The following COL14A1 variants were observed in gnomAD, a reference collection of about 807,000 sequenced individuals.
COL14A1 encodes collagen alpha-1(XIV) chain.
In COL14A1, 136 loss-of-function variants were observed where a neutral mutation model predicts 230.3. The ratio of observed to expected loss-of-function variants is 0.59; its 90% CI spans 0.51 to 0.68. COL14A1 has a LOEUF of 0.68. Ranked by LOEUF, COL14A1 falls within the 30% of genes least tolerant of loss-of-function variation. The pLI is 0.00. For synonymous variants in COL14A1, 792 were observed against 784.1 expected (o/e 1.01, Z -0.17); for missense variants, 1,976 against 2,215.8 (o/e 0.89, Z 2.17).
chr8:120,342,415 G>T lies in COL14A1; in HGVS notation c.4857G>T (p.Val1619=). 1 of 1,613,984 alleles carries T rather than the reference G, an allele frequency of 6.2e-7. No individual in the cohort carries two copies. Among genetic ancestry groups the T allele is most frequent in the African/African-American group, 1.3e-5 (1 of 75,026 alleles). The stretch of plus-strand genomic sequence containing the variant: ...AGTCTCAAGCCATGGTGAGATCAGT[G>T]GCGCGTCAAGTATGCGAACAGCTCA... The part of the protein sequence containing the change: ...DLQSQAMVRS[V]ARQVCEQLIQ... The change falls in exon 44 of 48, where the codon GTG becomes GTT. Residue 1619 remains valine (V), a synonymous_variant. Coordinates refer to ENST00000297848, the MANE Select transcript of COL14A1 (RefSeq NM_021110.4).
chr8:120,320,896 T>C (rs1246521966), intron 40 of COL14A1, among the ~76,000 whole-genome samples: 1 of 152,204 alleles, frequency 6.6e-6, no homozygotes, highest in Non-Finnish European at 1.5e-5. Context: ...TCTCTAGTCC[T>C]CAGAATAACT....
At chr8:120,268,972 C>T (rs187876211) in intron 25 of COL14A1, among the ~76,000 whole-genome samples, 76 of 151,802 alleles carry the variant, frequency 5.0e-4, no homozygotes, top group African/African-American at 1.7e-3. Context: ...TTTTATAAAT[C>T]GCAGAACTCA....
At chr8:120,181,558 A>G (rs1031717455) in intron 5 of COL14A1, among the ~76,000 whole-genome samples, 7 of 152,254 alleles carry the variant, frequency 4.6e-5, no homozygotes, top group African/African-American at 1.7e-4. Context: ...CAATACATAC[A>G]TAAACAGCTA....
chr8:120,135,257 C>A (rs576553255), intron 1 of COL14A1, among the ~76,000 whole-genome samples: 3 of 151,906 alleles, frequency 2.0e-5, no homozygotes, highest in Admixed American at 2.0e-4. Flanking sequence ...TGGCAATATG[C>A]ATTAATACTT....
intron 46 of COL14A1, 68 bp downstream of exon 46, chr8:120,367,316 G>A: frequency 2.4e-6 from 3 of 1,273,636 alleles, no homozygotes; most frequent in South Asian, 1.3e-5. Context: ...TTGCAAGTGA[G>A]GAAAATGGTC....
chr8:120,357,489 C>G (rs1237923020), intron 45 of COL14A1, among the ~76,000 whole-genome samples: 1 of 152,140 alleles, frequency 6.6e-6, no homozygotes, highest in Non-Finnish European at 1.5e-5. Context: ...CTTTTACTTT[C>G]ACCATATTCT....
At chr8:120,262,670 G>A (rs185540391) in intron 23 of COL14A1, among the ~76,000 whole-genome samples, 198 bp from the exon 24 acceptor site, 2 of 152,230 alleles carry the variant, frequency 1.3e-5, no homozygotes, top group East Asian at 3.9e-4. Flanking sequence ...TATAAAATGT[G>A]ATTTTCCATA....
intron 8 of COL14A1, 99 bp from the exon 9 acceptor site, chr8:120,203,610 C>A: frequency 1.1e-6 from 1 of 949,982 alleles, no homozygotes; most frequent in Non-Finnish European, 1.6e-6. Context: ...GCTTTGACTG[C>A]AGTGAAGATT....
intron 45 of COL14A1, among the ~76,000 whole-genome samples, chr8:120,364,959 C>T (rs1467457633): frequency 6.6e-6 from 1 of 151,220 alleles, no homozygotes; most frequent in South Asian, 2.1e-4. Flanking sequence ...ATAATTGTGT[C>T]TTTAGGCATT....
intron 14 of COL14A1, among the ~76,000 whole-genome samples, chr8:120,223,224 A>C (rs1056019148): frequency 6.6e-6 from 1 of 152,206 alleles, no homozygotes; most frequent in African/African-American, 2.4e-5. Flanking sequence ...TTCAGAGTGC[A>C]ATAGACAGCC....
rs1323607866 is a variant in COL14A1 at position 120,173,869 on chromosome 8, G to T, written c.436+5622G>T. On this transcript the variant is annotated intron_variant, in intron 5 of 47. Transcript: ENST00000297848. ...GAAATAGTTTTAGAACTGCTAATCTGTGCATACTGCAAAAAGACAAACAAA... is the reference window on the plus strand; with the variant it reads ...GAAATAGTTTTAGAACTGCTAATCTTTGCATACTGCAAAAAGACAAACAAA... Among the ~76,000 whole-genome samples, 4 of 149,998 alleles carry T rather than the reference G, an allele frequency of 2.7e-5. No homozygotes were observed. In the East Asian group the frequency reaches 7.7e-4, roughly 29 times the overall value.
intron 42 of COL14A1, among the ~76,000 whole-genome samples, chr8:120,340,504 A>G (rs999916519): frequency 6.6e-6 from 1 of 152,234 alleles, no homozygotes; most frequent in Non-Finnish European, 1.5e-5. Flanking sequence ...GGCAAATTCC[A>G]TTAATGAATT....
chr8:120,166,622 T>C (rs565681753), intron 4 of COL14A1, among the ~76,000 whole-genome samples: 1 of 152,272 alleles, frequency 6.6e-6, no homozygotes, highest in East Asian at 1.9e-4. Flanking sequence ...TGCAAGTAAT[T>C]TGGGGTGACA....
rs1812213463 is a variant in COL14A1 at position 120,372,990 on chromosome 8, C to T, written c.*1759C>T. ...GAAGGAAAACTTGTCTAAGGCTCAT[C>T]AAGATGGCCTGACCCAGAGTCACCT... On this transcript the variant is annotated 3_prime_UTR_variant, in exon 48 of 48. Transcript: ENST00000297848. Among the ~76,000 whole-genome samples, 1 of 152,156 alleles carries T rather than the reference C, an allele frequency of 6.6e-6. No homozygotes were observed. The highest frequency in any genetic ancestry group is 2.4e-5 in the African/African-American group (1 of 41,422).
intron 1 of COL14A1, among the ~76,000 whole-genome samples, chr8:120,139,346 T>C (rs907930070): frequency 6.6e-6 from 1 of 152,170 alleles, no homozygotes; most frequent in African/African-American, 2.4e-5. Context: ...ATTACTCGAG[T>C]CAGGTCGCCC....
At chr8:120,145,752 A>G (rs543219422) in intron 1 of COL14A1, among the ~76,000 whole-genome samples, 1 of 152,358 alleles carries the variant, frequency 6.6e-6, no homozygotes, top group East Asian at 1.9e-4. Context: ...TGTTATATGT[A>G]TAAACGAAAT....
intron 45 of COL14A1, among the ~76,000 whole-genome samples, chr8:120,357,169 C>A (rs1196973262): frequency 6.6e-6 from 1 of 152,052 alleles, no homozygotes; most frequent in African/African-American, 2.4e-5. Flanking sequence ...TTACGTGGGT[C>A]CTGTTGGCTA....
chr8:120,368,582 G>A (rs758078171), intron 46 of COL14A1, among the ~76,000 whole-genome samples: 1 of 144,702 alleles, frequency 6.9e-6, no homozygotes, highest in Non-Finnish European at 1.5e-5. Flanking sequence ...GTTGGAACCC[G>A]GACCTAAAAA....
intron 19 of COL14A1, among the ~76,000 whole-genome samples, chr8:120,242,226 G>A (rs948923779): frequency 3.9e-5 from 6 of 152,058 alleles, no homozygotes; most frequent in Admixed American, 3.3e-4. Context: ...TTCTGATAAG[G>A]GTTACTCAAT....
Sources: allele counts gnomAD v4.1 joint callset (sites outside exome capture counted in the v4.1 genomes callset), GRCh38; gene constraint gnomAD v4.1.1; transcripts MANE v1.5; gene names NCBI Gene and HGNC (gene_info 2026-07-23, HGNC 2026-07-21).